Variants in PRKN observed in about 807,000 individuals in gnomAD.
PRKN encodes the protein E3 ubiquitin-protein ligase parkin.
In PRKN, 56 loss-of-function variants were observed where a neutral mutation model predicts 59.5. The ratio of observed to expected loss-of-function variants is 0.94; its 90% CI spans 0.76 to 1.18. The LOEUF is 1.18. PRKN is among the 50% of genes most tolerant of loss of function. PRKN has a pLI of 0.00. For missense variants in PRKN, 657 were observed against 596.4 expected, an observed-to-expected ratio of 1.10 and a Z score of -1.06; for synonymous variants, 250 against 222.1, an observed-to-expected ratio of 1.13 and a Z score of -1.12.
At chr6:162,403,753 G>C (rs889566968) in intron 2 of PRKN, among the ~76,000 whole-genome samples, 20 of 152,306 alleles carry the variant, frequency 1.3e-4, no homozygotes, top group Non-Finnish European at 4.4e-5. Context: ...GATGGGATTG[G>C]AGTGGGGAGT....
chr6:162,176,929 C>CTG (rs1554280694), intron 4 of PRKN, among the ~76,000 whole-genome samples: 1 of 145,670 alleles, frequency 6.9e-6, no homozygotes, highest in Non-Finnish European at 1.5e-5. Context: ...AATGAAATTC[C>CTG]TTTTTTTTTT....
chr6:161,479,915 G>C (rs73589786), intron 9 of PRKN, among the ~76,000 whole-genome samples: 1 of 152,122 alleles, frequency 6.6e-6, no homozygotes, highest in African/African-American at 2.4e-5. Context: ...CAGGCCACAC[G>C]ATTTGCTCTA....
At chr6:162,177,821 A>G (rs1056690118) in intron 4 of PRKN, among the ~76,000 whole-genome samples, 1 of 152,140 alleles carries the variant, frequency 6.6e-6, no homozygotes, top group African/African-American at 2.4e-5. Context: ...AAAATAAATA[A>G]AGAGCCATAG....
At chr6:162,667,860 G>A (rs918642268) in intron 1 of PRKN, among the ~76,000 whole-genome samples, 5 of 152,074 alleles carry the variant, frequency 3.3e-5, no homozygotes, top group African/African-American at 9.7e-5. Context: ...TCTTAGGGTT[G>A]TTATGAAGAC....
intron 2 of PRKN, among the ~76,000 whole-genome samples, chr6:162,328,456 A>G (rs942469496): frequency 2.0e-5 from 3 of 152,180 alleles, no homozygotes; most frequent in African/African-American, 7.2e-5. Context: ...TTTCCTTCAC[A>G]GTAATTCAAA....
intron 1 of PRKN, among the ~76,000 whole-genome samples, chr6:162,582,318 A>T (rs2846553): frequency 0.37 from 55,832 of 152,074 alleles, 11,279 homozygotes; most frequent in Non-Finnish European, 0.46. Flanking sequence ...GGAAAACAAA[A>T]TACACTGGAA....
chr6:161,414,062 T>G lies in PRKN; in HGVS notation c.1084-27185A>C, dbSNP rs557182996. 5.6e-4 allele frequency among the ~76,000 whole-genome samples: 85 copies of G among 151,968 alleles called. 1 individual carries two copies. The South Asian group carries it at 0.017, about 31-fold the overall frequency. ...GACAGCACTGTGTCCTGGGCCGAGG[T>G]GGGGAGGGTCAGTGAGGGCAGGGTA... is the stretch of plus-strand genomic sequence containing the variant. On this transcript the variant is annotated intron_variant, in intron 9 of 11. Coordinates refer to ENST00000366898, the MANE Select transcript of PRKN (RefSeq NM_004562.3). The surrounding 1 kb of genome is among the most constrained non-coding windows in gnomAD (Gnocchi z 5.3).
In PRKN at chr6:162,377,380, C is replaced by T. The variant is rs1050338797; in HGVS notation, c.171+65930G>A. On this transcript the variant is annotated intron_variant, in intron 2 of 11. Transcript: ENST00000366898. ...GCCAAGAGGCCAGTGACACCACGCT[C>T]GGTGACACCACAGCTCTTCTCATGG... Among the ~76,000 whole-genome samples the T allele has an allele frequency of 8.5e-5, 13 of 152,272 alleles. No individual in the cohort carries two copies. The South Asian group carries it at 1.0e-3, about 12-fold the overall frequency.
At chr6:162,719,851 G>GA (rs1192707598) in intron 1 of PRKN, among the ~76,000 whole-genome samples, 2 of 139,748 alleles carry the variant, frequency 1.4e-5, no homozygotes, top group African/African-American at 5.2e-5. Context: ...ATGTGGGTAA[G>GA]AAAAAAATGA....
intron 2 of PRKN, among the ~76,000 whole-genome samples, chr6:162,356,014 G>A (rs1336689610): frequency 6.6e-6 from 1 of 152,138 alleles, no homozygotes; most frequent in East Asian, 1.9e-4. Context: ...CAGGAGTCTT[G>A]TTGGTCCTCC....
In PRKN at chr6:162,631,528, T is replaced by C. The variant is rs189911484; in HGVS notation, c.7+96134A>G. Among the ~76,000 whole-genome samples the C allele has an allele frequency of 6.7e-4, 102 of 152,210 alleles. No individual in the cohort carries two copies. In the East Asian group the frequency reaches 9.8e-3, roughly 15 times the overall value. On this transcript the variant is annotated intron_variant, in intron 1 of 11. Coordinates refer to ENST00000366898, the MANE Select transcript of PRKN (RefSeq NM_004562.3). ...CCTGTTCATGTCCTTTGCCCATTTT[T>C]AAATTTTTTTTATTGTGTTTTGCTT...
At chr6:161,537,832 T>C (rs1178820249) in intron 9 of PRKN, among the ~76,000 whole-genome samples, 2 of 152,176 alleles carry the variant, frequency 1.3e-5, no homozygotes, top group East Asian at 1.9e-4. Flanking sequence ...ATTCTGCAAG[T>C]GGACTGGGTT....
intron 3 of PRKN, among the ~76,000 whole-genome samples, chr6:162,227,659 C>T (rs1424238859): frequency 1.3e-5 from 2 of 152,162 alleles, no homozygotes. Flanking sequence ...ATTAATCTTA[C>T]TCTCTTCCCC....
chr6:162,034,659 T>C (rs1379163250), intron 5 of PRKN, among the ~76,000 whole-genome samples: 2 of 152,200 alleles, frequency 1.3e-5, no homozygotes, highest in East Asian at 1.9e-4. Context: ...ATAAATCAAA[T>C]AGAAATAATA....
At chr6:162,172,083 G>A (rs569628301) in intron 4 of PRKN, among the ~76,000 whole-genome samples, 2 of 152,170 alleles carry the variant, frequency 1.3e-5, no homozygotes, top group Non-Finnish European at 2.9e-5. Context: ...GAAGTGCACA[G>A]GATAAAAAAG....
At chr6:161,774,307 T>C (rs1313696067) in intron 7 of PRKN, among the ~76,000 whole-genome samples, 2 of 151,824 alleles carry the variant, frequency 1.3e-5, no homozygotes, top group Non-Finnish European at 2.9e-5. Context: ...CTGCTGTGTG[T>C]TGACAGCCCG....
chr6:161,694,796 A>G (rs939633620), intron 7 of PRKN, among the ~76,000 whole-genome samples: 1 of 150,966 alleles, frequency 6.6e-6, no homozygotes, highest in African/African-American at 2.5e-5. Flanking sequence ...TTCAATGCAA[A>G]CTAAGGAAGA....
intron 3 of PRKN, among the ~76,000 whole-genome samples, chr6:162,218,548 C>T (rs565131968): frequency 6.6e-6 from 1 of 152,202 alleles, no homozygotes; most frequent in South Asian, 2.1e-4. Flanking sequence ...GTTATTTATT[C>T]GTTTATTAGT....
intron 7 of PRKN, among the ~76,000 whole-genome samples, chr6:161,782,947 T>C (rs375915824): frequency 1.3e-5 from 2 of 152,074 alleles, no homozygotes; most frequent in Admixed American, 1.3e-4. Context: ...GAGAAATACA[T>C]ATTCAATTGA....
Sources: gnomAD v4.1 joint callset for allele counts (sites outside exome capture counted in the v4.1 genomes callset) on GRCh38, gnomAD v4.1.1 for gene constraint, Gnocchi (gnomAD v3.1) non-coding constraint, MANE v1.5 for transcripts, NCBI Gene and HGNC (gene_info 2026-07-23, HGNC 2026-07-21) for gene names.